The following TTLL5 variants were observed in gnomAD, a reference collection of about 807,000 sequenced individuals.
The protein encoded by TTLL5 is tubulin tyrosine ligase like 5, also known as tubulin polyglutamylase TTLL5.
In TTLL5, 132 loss-of-function variants were observed where a neutral mutation model predicts 168.4. The ratio of observed to expected loss-of-function variants is 0.78; its 90% CI spans 0.68 to 0.91. The LOEUF is 0.91. Among genes scored for constraint, TTLL5 ranks in the 40% least tolerant of loss-of-function variants. TTLL5 has a pLI of 0.00. For missense variants in TTLL5, 1,545 were observed against 1,581.5 expected (o/e 0.98, Z 0.39); for synonymous variants, 546 against 558.6 (o/e 0.98, Z 0.32).
chr14:75,913,427 G>T (rs951589772), intron 31 of TTLL5, among the ~76,000 whole-genome samples: 2 of 151,998 alleles, frequency 1.3e-5, no homozygotes, highest in Non-Finnish European at 2.9e-5. Context: ...AATACTCTAG[G>T]ATCTTTATGG....
intron 30 of TTLL5, chr14:75,886,619 A>T (rs936195238): frequency 1.9e-4 from 222 of 1,145,392 alleles, no homozygotes; most frequent in East Asian, 2.2e-4. Flanking sequence ...ATGATTTAAA[A>T]TTTTTTTTTT....
At chr14:75,698,912 A>G (rs1178584777) in intron 6 of TTLL5, among the ~76,000 whole-genome samples, 2 of 152,040 alleles carry the variant, frequency 1.3e-5, no homozygotes, top group African/African-American at 2.4e-5. Context: ...CCTTAAAAAA[A>G]AAAAAAAGAA....
chr14:75,677,274 T>C (rs1364039443), intron 3 of TTLL5, among the ~76,000 whole-genome samples: 3 of 152,138 alleles, frequency 2.0e-5, no homozygotes, highest in East Asian at 3.9e-4. Flanking sequence ...ATTTTACAGG[T>C]GAGGAAATTG....
intron 31 of TTLL5, among the ~76,000 whole-genome samples, chr14:75,912,487 A>G (rs1048124917): frequency 7.2e-5 from 11 of 152,362 alleles, no homozygotes; most frequent in Admixed American, 2.0e-4. Flanking sequence ...GCAATAAAAT[A>G]ACAAGGTATA....
At chr14:75,749,540 T>C (rs1889819778) in intron 17 of TTLL5, among the ~76,000 whole-genome samples, 1 of 124,804 alleles carries the variant, frequency 8.0e-6, no homozygotes, top group Admixed American at 9.0e-5. Context: ...GTCTGAGCCA[T>C]GTATGGGGAG....
At chr14:75,870,758 A>G (rs138571058) in intron 29 of TTLL5, among the ~76,000 whole-genome samples, 1,965 of 151,784 alleles carry the variant, frequency 0.013, 54 homozygotes, top group African/African-American at 0.043. Flanking sequence ...TGACTACCAC[A>G]GATGACATGT....
At chr14:75,828,972 C>G (rs561823402) in intron 28 of TTLL5, among the ~76,000 whole-genome samples, 2 of 152,032 alleles carry the variant, frequency 1.3e-5, no homozygotes, top group Non-Finnish European at 2.9e-5. Flanking sequence ...GAGACTGGGC[C>G]CTGAAGGAGG....
chr14:75,791,383 C>T (rs1162068601), intron 26 of TTLL5, among the ~76,000 whole-genome samples: 3 of 152,022 alleles, frequency 2.0e-5, no homozygotes, highest in Admixed American at 2.0e-4. Context: ...TGACTTTCAG[C>T]TGTATTTATC....
At chr14:75,782,423 T>C in intron 24 of TTLL5, 64 bp from the exon 25 acceptor site, 1 of 1,269,078 alleles carries the variant, frequency 7.9e-7, no homozygotes, top group Non-Finnish European at 1.1e-6. Context: ...AATAAAATTA[T>C]GTATAGAACA....
intron 15 of TTLL5, among the ~76,000 whole-genome samples, chr14:75,738,249 A>G (rs1309164931): frequency 2.0e-5 from 3 of 152,190 alleles, no homozygotes; most frequent in Non-Finnish European, 4.4e-5. Context: ...TTTTGAAGTA[A>G]TAGGCTAGCA....
intron 27 of TTLL5, among the ~76,000 whole-genome samples, chr14:75,810,337 TTC>T (rs142112640): frequency 3.1e-4 from 47 of 149,580 alleles, no homozygotes; most frequent in Non-Finnish European, 2.7e-4. Flanking sequence ...CTAAATCATC[TTC>T]TCTCTCTCTC....
rs1200564786 is a variant in TTLL5, at chr14:75,665,468, A to G, written c.74+2245A>G. 4.6e-5 allele frequency among the ~76,000 whole-genome samples: 7 copies of G among 152,160 alleles called. 1 individual carries two copies. The South Asian group carries it at 1.2e-3, about 27-fold the overall frequency. ...AGGAGAGTTGCCCAATTGTTGTCCA[A>G]CCTCATCACACTAGCATTTAGATAG... is the stretch of plus-strand genomic sequence containing the variant. On this transcript the variant is annotated intron_variant, in intron 2 of 31. Coordinates refer to ENST00000298832, the MANE Select transcript of TTLL5 (RefSeq NM_015072.5).
At chr14:75,942,006 C>T (rs1329890003) in intron 31 of TTLL5, among the ~76,000 whole-genome samples, 1 of 128,764 alleles carries the variant, frequency 7.8e-6, no homozygotes, top group Non-Finnish European at 1.6e-5. Flanking sequence ...ATGGTGAAAC[C>T]CATCTCTACT....
chr14:75,863,255 T>G (rs1160476692), intron 28 of TTLL5, among the ~76,000 whole-genome samples: 1 of 152,240 alleles, frequency 6.6e-6, no homozygotes, highest in Non-Finnish European at 1.5e-5. Flanking sequence ...ACCCTTTTCC[T>G]TTTGAAGTTG....
chr14:75,768,820 G>C (rs555177874), intron 20 of TTLL5, among the ~76,000 whole-genome samples: 7 of 152,258 alleles, frequency 4.6e-5, no homozygotes, highest in African/African-American at 1.7e-4. Flanking sequence ...TTAAGGTTTG[G>C]AACAGTGTCA....
chr14:75,783,035 C>A, intron 25 of TTLL5, 112 bp from the exon 26 acceptor site: 1 of 1,223,424 alleles, frequency 8.2e-7, no homozygotes, highest in Non-Finnish European at 1.1e-6. Flanking sequence ...TTCATGATTT[C>A]TGTTTCATGC....
intron 6 of TTLL5, among the ~76,000 whole-genome samples, chr14:75,693,044 A>G (rs892359275): frequency 1.1e-4 from 16 of 152,164 alleles, no homozygotes; most frequent in Non-Finnish European, 2.4e-4. Flanking sequence ...GAGGTCTCAG[A>G]GGAGGCAGGA....
intron 28 of TTLL5, chr14:75,837,222 G>C (rs953634469): frequency 6.6e-6 from 1 of 152,072 alleles, no homozygotes; most frequent in Non-Finnish European, 1.5e-5. Flanking sequence ...GCTGGCTGTC[G>C]ACAGGAGGCC....
chr14:75,682,993 A>G (rs1012506487), intron 4 of TTLL5, among the ~76,000 whole-genome samples: 1 of 152,134 alleles, frequency 6.6e-6, no homozygotes, highest in African/African-American at 2.4e-5. Context: ...GATAGTCTCA[A>G]ACTCCTGAGC....
Sources: gnomAD v4.1 joint callset for allele counts (sites outside exome capture counted in the v4.1 genomes callset) on GRCh38, gnomAD v4.1.1 for gene constraint, MANE v1.5 for transcripts, NCBI Gene and HGNC (gene_info 2026-07-23, HGNC 2026-07-21) for gene names.